RABGAP1L: variants seen among roughly 807,000 people sequenced by gnomAD.
The protein encoded by RABGAP1L is RAB GTPase activating protein 1 like, also known as rab GTPase-activating protein 1-like.
RABGAP1L carries 63 observed loss-of-function variants against 137.7 expected under a neutral mutation model. That is an observed-to-expected ratio of 0.46 (90% CI 0.37 to 0.56). The LOEUF is 0.56. RABGAP1L is among the 20% of genes least tolerant of loss of function. The pLI is 0.00. For missense variants in RABGAP1L, 1,095 were observed against 1,244.0 expected, an observed-to-expected ratio of 0.88 and a Z score of 1.80; for synonymous variants, 431 against 433.7, an observed-to-expected ratio of 0.99 and a Z score of 0.08.
chr1:174,861,597 C>A (rs76265231), intron 19 of RABGAP1L, among the ~76,000 whole-genome samples: 2,364 of 152,192 alleles, frequency 0.016, 43 homozygotes, highest in African/African-American at 0.054. Context: ...CTCTTTTCTC[C>A]ATATCCTCAC....
chr1:174,920,081 C>T (rs938224098), intron 19 of RABGAP1L, among the ~76,000 whole-genome samples: 1 of 152,178 alleles, frequency 6.6e-6, no homozygotes, highest in Non-Finnish European at 1.5e-5. Context: ...AGTTAAGCAT[C>T]TTGTCCAGGT....
intron 18 of RABGAP1L, among the ~76,000 whole-genome samples, chr1:174,781,340 A>T (rs1177439049): frequency 6.6e-6 from 1 of 152,158 alleles, no homozygotes; most frequent in East Asian, 1.9e-4. Flanking sequence ...GCATTTTTTC[A>T]TGTGTCTGTT....
chr1:174,305,148 A>C (rs1678084173), intron 11 of RABGAP1L, 21 bp downstream of exon 11: 2 of 1,509,700 alleles, frequency 1.3e-6, no homozygotes, highest in African/African-American at 2.9e-5. Context: ...GGACTTACTC[A>C]GTTTATTCTG....
At chr1:174,790,950 G>T (rs889902625) in intron 18 of RABGAP1L, among the ~76,000 whole-genome samples, 5 of 152,126 alleles carry the variant, frequency 3.3e-5, no homozygotes, top group South Asian at 2.1e-4. Flanking sequence ...CAGCACTTTG[G>T]GAGGCTGAGG....
rs116510118 is a variant in RABGAP1L at position 174,215,000 on chromosome 1, G to T, written c.-33-4125G>T. ...AAATGGACAAATGGTATCACATCAA[G>T]TTAAAAAGGTATCTGCACAACAAAG... On this transcript the variant is annotated intron_variant, in intron 1 of 25. Coordinates refer to ENST00000681986, the MANE Select transcript of RABGAP1L (RefSeq NM_001366446.1). 6.3e-3 allele frequency among the ~76,000 whole-genome samples: 954 copies of T among 152,268 alleles called. 7 individuals carry two copies. The highest frequency in any genetic ancestry group is 0.011 in the Non-Finnish European group (740 of 68,006).
intron 4 of RABGAP1L, among the ~76,000 whole-genome samples, chr1:174,240,603 A>T (rs1256475040): frequency 6.6e-6 from 1 of 150,870 alleles, no homozygotes; most frequent in African/African-American, 2.4e-5. Context: ...CAAATCCCAG[A>T]CTCCTTTCAG....
chr1:174,662,515 T>C (rs1413519755), intron 14 of RABGAP1L, among the ~76,000 whole-genome samples: 1 of 152,080 alleles, frequency 6.6e-6, no homozygotes, highest in African/African-American at 2.4e-5. Flanking sequence ...CCTCCCAGGC[T>C]CAAGTGATTA....
intron 17 of RABGAP1L, among the ~76,000 whole-genome samples, chr1:174,714,941 T>G (rs554777930): frequency 1.8e-4 from 28 of 152,198 alleles, no homozygotes; most frequent in Non-Finnish European, 3.4e-4. Flanking sequence ...AGTAAAATTC[T>G]GATGCATCTC....
At chr1:174,935,842 G>A (rs1664686991) in intron 19 of RABGAP1L, among the ~76,000 whole-genome samples, 1 of 151,906 alleles carries the variant, frequency 6.6e-6, no homozygotes, top group African/African-American at 2.4e-5. Context: ...TTAGCTGAGC[G>A]TGGTGGCACA....
At chr1:174,508,007 G>T (rs1661989553) in intron 13 of RABGAP1L, among the ~76,000 whole-genome samples, 1 of 152,054 alleles carries the variant, frequency 6.6e-6, no homozygotes, top group South Asian at 2.1e-4. Context: ...GCTTGTTCTG[G>T]TTGATTTTCA....
chr1:174,377,236 A>C (rs999904743), intron 12 of RABGAP1L, among the ~76,000 whole-genome samples: 5 of 152,212 alleles, frequency 3.3e-5, no homozygotes, highest in African/African-American at 1.2e-4. Context: ...TGCTATGTTC[A>C]TGGAATGAAA....
At chr1:174,300,456 G>A (rs542562206) in intron 10 of RABGAP1L, among the ~76,000 whole-genome samples, 8 of 151,286 alleles carry the variant, frequency 5.3e-5, no homozygotes, top group Admixed American at 3.9e-4. Flanking sequence ...ACTCGGTGGT[G>A]GGGTGGAGGT....
intron 10 of RABGAP1L, among the ~76,000 whole-genome samples, chr1:174,282,305 G>A (rs192097476): frequency 7.2e-5 from 11 of 152,226 alleles, no homozygotes; most frequent in Admixed American, 3.9e-4. Context: ...ACTTAGTATC[G>A]TCAGTCTTTT....
chr1:174,613,311 T>G (rs1180177551), intron 13 of RABGAP1L, among the ~76,000 whole-genome samples: 1 of 152,242 alleles, frequency 6.6e-6, no homozygotes, highest in South Asian at 2.1e-4. Context: ...CATTTTGTTA[T>G]GTACCCAGTA....
At chr1:174,310,249 T>C (rs767051046) in intron 11 of RABGAP1L, among the ~76,000 whole-genome samples, 1 of 152,168 alleles carries the variant, frequency 6.6e-6, no homozygotes, top group Non-Finnish European at 1.5e-5. Context: ...TTCCATGTAT[T>C]TGTGAATTTT....
intron 13 of RABGAP1L, among the ~76,000 whole-genome samples, chr1:174,443,870 A>C (rs1366290369): frequency 1.3e-5 from 2 of 152,078 alleles, no homozygotes; most frequent in Non-Finnish European, 2.9e-5. Flanking sequence ...GGTGAGAGAT[A>C]GGAGTCTAGT....
chr1:174,671,958 T>C (rs1677206783), intron 14 of RABGAP1L, among the ~76,000 whole-genome samples: 1 of 152,146 alleles, frequency 6.6e-6, no homozygotes, highest in African/African-American at 2.4e-5. Flanking sequence ...TGGCTTTTTG[T>C]TGATAGGAGA....
intron 11 of RABGAP1L, among the ~76,000 whole-genome samples, chr1:174,334,998 T>G (rs1681351992): frequency 6.6e-6 from 1 of 152,180 alleles, no homozygotes; most frequent in South Asian, 2.1e-4. Context: ...GTTTTTCTCT[T>G]AAAATTTTTT....
At chr1:174,508,496 T>A (rs1662037249) in intron 13 of RABGAP1L, among the ~76,000 whole-genome samples, 1 of 152,184 alleles carries the variant, frequency 6.6e-6, no homozygotes, top group Non-Finnish European at 1.5e-5. Flanking sequence ...GACTGTTGAT[T>A]GCTTTTTAGC....
Sources: gnomAD v4.1 joint callset for allele counts (sites outside exome capture counted in the v4.1 genomes callset) on GRCh38, gnomAD v4.1.1 for gene constraint, MANE v1.5 for transcripts, NCBI Gene and HGNC (gene_info 2026-07-23, HGNC 2026-07-21) for gene names.